The following RTL4 variants were observed in gnomAD, a reference collection of about 807,000 sequenced individuals.
RTL4 encodes retrotransposon Gag-like protein 4.
Under a neutral mutation model 5.3 loss-of-function variants are expected in RTL4, and 4 were observed. That is an observed-to-expected ratio of 0.75 (90% CI 0.37 to 1.72). The LOEUF is 1.72. Among genes scored for constraint, RTL4 ranks in the 40% most tolerant of loss-of-function variants. The pLI, the probability that RTL4 is intolerant of heterozygous loss-of-function variation, is 0.04. For missense variants in RTL4, 260 were observed against 227.1 expected, an observed-to-expected ratio of 1.14 and a Z score of -0.93; for synonymous variants, 98 against 87.3, an observed-to-expected ratio of 1.12 and a Z score of -0.68.
the RTL4 span, among the ~76,000 whole-genome samples, chrX:112,287,721 ATG>A: frequency 0.022 from 2,401 of 111,577 alleles, 70 homozygotes; most frequent in African/African-American, 0.072. Flanking sequence ...AAATTGTGTT[ATG>A]TGTGTCAAGT....
At chrX:112,275,159 G>C in the RTL4 span, among the ~76,000 whole-genome samples, 1 of 105,459 alleles carries the variant, frequency 9.5e-6, no homozygotes, top group Non-Finnish European at 1.9e-5. Context: ...ATTTTAATTT[G>C]ATCTCATTTT....
the RTL4 span, among the ~76,000 whole-genome samples, chrX:112,140,629 A>G: frequency 1.8e-5 from 2 of 110,748 alleles, no homozygotes; most frequent in Non-Finnish European, 3.8e-5. Context: ...AGCCTTTTTT[A>G]AAAAGGCACT....
At chrX:112,445,532 A>G in the RTL4 span, among the ~76,000 whole-genome samples, 1 of 111,780 alleles carries the variant, frequency 8.9e-6, no homozygotes, top group Non-Finnish European at 1.9e-5. Context: ...AACTTGGCCA[A>G]GTTCTTATGG....
chrX:112,426,548 A>AT, the RTL4 span, among the ~76,000 whole-genome samples: 147 of 111,296 alleles, frequency 1.3e-3, 1 homozygote, highest in African/African-American at 4.3e-3. Flanking sequence ...TCTTTTACAT[A>AT]TTTTATCAGA....
At chrX:112,204,633 T>A in the RTL4 span, among the ~76,000 whole-genome samples, 6 of 111,357 alleles carry the variant, frequency 5.4e-5, no homozygotes, top group Non-Finnish European at 1.1e-4. Flanking sequence ...ATTGAACTCA[T>A]GGACATAGAG....
chrX:112,223,940 C>T, the RTL4 span, among the ~76,000 whole-genome samples: 2 of 112,017 alleles, frequency 1.8e-5, no homozygotes, highest in African/African-American at 6.5e-5. Flanking sequence ...CTGGAAACCA[C>T]GATCAACTCA....
chrX:112,159,402 C>T, the RTL4 span, among the ~76,000 whole-genome samples: 84 of 112,014 alleles, frequency 7.5e-4, no homozygotes, highest in African/African-American at 2.4e-3. Flanking sequence ...TACCCAGCAT[C>T]GCTGTGAAGT....
the RTL4 span, among the ~76,000 whole-genome samples, chrX:112,245,955 C>T: frequency 1.8e-5 from 2 of 112,511 alleles, no homozygotes; most frequent in African/African-American, 6.5e-5. Flanking sequence ...CAGTCAGGTC[C>T]CTCAGCTGCA....
chrX:112,312,987 A>T, the RTL4 span, among the ~76,000 whole-genome samples: 1 of 111,071 alleles, frequency 9.0e-6, no homozygotes, highest in Non-Finnish European at 1.9e-5. Flanking sequence ...ACCGTCAGGG[A>T]GTGCAGGGAA....
chrX:112,169,027 T>C, the RTL4 span, among the ~76,000 whole-genome samples: 1 of 18,488 alleles, frequency 5.4e-5, no homozygotes, highest in Non-Finnish European at 9.3e-5. Context: ...TTTCTCTTTC[T>C]CTTTCTTTCT....
At chrX:112,406,297 C>G in the RTL4 span, among the ~76,000 whole-genome samples, 1 of 111,952 alleles carries the variant, frequency 8.9e-6, no homozygotes, top group South Asian at 3.7e-4. Context: ...GTTCCACAGG[C>G]TGTACAGAAA....
chrX:112,441,885 A>G, the RTL4 span, among the ~76,000 whole-genome samples: 1 of 112,309 alleles, frequency 8.9e-6, no homozygotes, highest in African/African-American at 3.2e-5. Flanking sequence ...TCAGCTGTCC[A>G]TCAGCAAGTA....
chrX:112,413,064 CAAAG>C, the RTL4 span, among the ~76,000 whole-genome samples: 2 of 111,810 alleles, frequency 1.8e-5, no homozygotes, highest in African/African-American at 3.2e-5. Flanking sequence ...AAACATTTCT[CAAAG>C]GAAGACATGC....
the RTL4 span, among the ~76,000 whole-genome samples, chrX:112,137,591 T>A: frequency 1.8e-5 from 2 of 111,683 alleles, no homozygotes; most frequent in Non-Finnish European, 3.8e-5. Context: ...CAATTGCCTC[T>A]CTTTCTCCAC....
the RTL4 span, among the ~76,000 whole-genome samples, chrX:112,314,088 C>G: frequency 9.0e-6 from 1 of 111,598 alleles, no homozygotes; most frequent in Non-Finnish European, 1.9e-5. Flanking sequence ...GCATTCAATT[C>G]TCCAGATATA....
the RTL4 span, among the ~76,000 whole-genome samples, chrX:112,337,873 A>T: frequency 2.7e-5 from 3 of 111,109 alleles, no homozygotes; most frequent in Non-Finnish European, 5.7e-5. Flanking sequence ...AGAGTATGGA[A>T]GTACGTAGGG....
the RTL4 span, among the ~76,000 whole-genome samples, chrX:112,190,208 T>C: frequency 7.7e-5 from 7 of 90,844 alleles, no homozygotes; most frequent in East Asian, 3.6e-4. Context: ...TTCTTTCTTT[T>C]TTCTATACCT....
chrX:112,405,861 C>A, the RTL4 span, among the ~76,000 whole-genome samples: 1 of 111,061 alleles, frequency 9.0e-6, no homozygotes, highest in South Asian at 3.9e-4. Flanking sequence ...ACCAACACCA[C>A]CCCTCCTCCA....
At chrX:112,449,975 T>A (rs1244669527), upstream of RTL4, among the ~76,000 whole-genome samples, 10 of 112,076 alleles carry the variant, frequency 8.9e-5, no homozygotes, top group African/African-American at 3.2e-4. Context: ...GGTCACCCCT[T>A]GAGAGTTATT....
Sources: gnomAD v4.1 joint callset for allele counts (sites outside exome capture counted in the v4.1 genomes callset) on GRCh38, gnomAD v4.1.1 for gene constraint, MANE v1.5 for transcripts, NCBI Gene and HGNC (gene_info 2026-07-23, HGNC 2026-07-21) for gene names.